TCP11L2: variants seen among roughly 807,000 people sequenced by gnomAD.
TCP11L2 encodes the protein T-complex protein 11-like protein 2.
Under a neutral mutation model 50.7 loss-of-function variants are expected in TCP11L2, and 39 were observed. The observed-to-expected ratio is 0.77, with a 90% CI of 0.60 to 1.01. The LOEUF (loss-of-function observed/expected upper bound fraction) is 1.01. Ranked by LOEUF, TCP11L2 falls within the 50% of genes least tolerant of loss-of-function variation. TCP11L2 has a pLI of 0.00. For synonymous variants in TCP11L2, 192 were observed against 219.3 expected (o/e 0.88, Z 1.10); for missense variants, 612 against 614.7 (o/e 1.00, Z 0.05).
At chr12:106,298,106 A>AT (rs1385759449), upstream of TCP11L2, among the ~76,000 whole-genome samples, 5 of 152,132 alleles carry the variant, frequency 3.3e-5, no homozygotes, top group Non-Finnish European at 7.4e-5. Flanking sequence ...ATAACTGTTA[A>AT]TTTTTTTACT....
At chr12:106,340,747 AAAAC>A (rs2036068862) in intron 8 of TCP11L2, 75 bp from the exon 9 acceptor site, 1 of 1,272,760 alleles carries the variant, frequency 7.9e-7, no homozygotes, top group African/African-American at 1.5e-5. Flanking sequence ...GTAGACATCT[AAAAC>A]AAGTCTGTAT....
chr12:106,329,931 A>C, intron 6 of TCP11L2: 2 of 985,950 alleles, frequency 2.0e-6, no homozygotes, highest in Non-Finnish European at 2.4e-6. Context: ...GTGTTGCTTT[A>C]GTGTGGCAAA....
intron 6 of TCP11L2, among the ~76,000 whole-genome samples, chr12:106,331,432 G>A (rs997220209): frequency 6.6e-6 from 1 of 152,192 alleles, no homozygotes; most frequent in Non-Finnish European, 1.5e-5. Context: ...CACTTTGTCT[G>A]AGGCAACTTT....
chr12:106,336,698 A>T (rs2035933112), intron 8 of TCP11L2, among the ~76,000 whole-genome samples: 1 of 152,082 alleles, frequency 6.6e-6, no homozygotes, highest in Non-Finnish European at 1.5e-5. Context: ...GACTACAGGC[A>T]TGCGCCGCCA....
intron 5 of TCP11L2, among the ~76,000 whole-genome samples, chr12:106,322,637 GTT>G (rs1032494909): frequency 1.3e-5 from 2 of 152,138 alleles, no homozygotes; most frequent in Non-Finnish European, 2.9e-5. Context: ...TTGAAGCAGA[GTT>G]TTCTTTTTTG....
Position 106,323,480 on chromosome 12 carries a change from A to G in TCP11L2, c.636-30A>G, listed in dbSNP as rs766767729. 8 of 1,524,110 alleles carry G rather than the reference A, an allele frequency of 5.2e-6. 1 individual carries two copies. The South Asian group carries it at 7.5e-5, about 14-fold the overall frequency. The allele number at this position is 1,524,110 out of a possible 1,614,324, so 94.4% of individuals were successfully genotyped here. On this transcript the variant is annotated intron_variant, in intron 5 of 9. Transcript: ENST00000299045. ...TGAATTTCAGCTTCACTTCTTAATC[A>G]TCTCTCTATTTTAATTCTAAAATTT...
At chr12:106,337,553 G>T (rs2035959114) in intron 8 of TCP11L2, among the ~76,000 whole-genome samples, 1 of 152,180 alleles carries the variant, frequency 6.6e-6, no homozygotes, top group Non-Finnish European at 1.5e-5. Flanking sequence ...AGCCTTTAGG[G>T]AATACCCAGT....
intron 9 of TCP11L2, among the ~76,000 whole-genome samples, chr12:106,341,930 G>A (rs1394102073): frequency 6.6e-6 from 1 of 152,134 alleles, no homozygotes; most frequent in Non-Finnish European, 1.5e-5. Flanking sequence ...CCTGAGACAT[G>A]TATTCACCTC....
chr12:106,305,422 A>G (rs1006842087), intron 1 of TCP11L2, among the ~76,000 whole-genome samples: 1 of 152,186 alleles, frequency 6.6e-6, no homozygotes, highest in Non-Finnish European at 1.5e-5. Flanking sequence ...GTGCCTTGCA[A>G]ATGCACTGAA....
Position 106,323,519 on chromosome 12 carries a change from C to A in TCP11L2, c.645C>A (p.Phe215Leu). Reference protein sequence around the residue: ...GNIVEVLRQIFHVLDLMQMDM... With the variant: ...GNIVEVLRQILHVLDLMQMDM... Reference sequence around the variant, plus strand: ...ATTCTAAAATTTTTAGACAAATATTCCATGTCCTGGACCTCATGCAAATGG... The same window carrying A: ...ATTCTAAAATTTTTAGACAAATATTACATGTCCTGGACCTCATGCAAATGG... Residue 215 changes from phenylalanine to leucine, a missense_variant, in exon 6 of 10, where the codon TTC becomes TTA. Transcript: ENST00000299045. 1 of 1,593,900 alleles carries A rather than the reference C, an allele frequency of 6.3e-7. No homozygotes were observed. Among genetic ancestry groups the A allele is most frequent in the South Asian group, 1.1e-5 (1 of 87,798 alleles).
At chr12:106,327,180 CCTT>C (rs753414918) in intron 6 of TCP11L2, among the ~76,000 whole-genome samples, 18 of 151,014 alleles carry the variant, frequency 1.2e-4, no homozygotes, top group Non-Finnish European at 8.9e-5. Context: ...TTTTTTCTTT[CCTT>C]CTTTTTTTTC....
At chr12:106,329,953 A>T in intron 6 of TCP11L2, 1 of 985,720 alleles carries the variant, frequency 1.0e-6, no homozygotes. Context: ...AGAACTACTC[A>T]TAAATTATCC....
At chr12:106,300,756 C>T (rs145194969), upstream of TCP11L2, among the ~76,000 whole-genome samples, 182 of 152,308 alleles carry the variant, frequency 1.2e-3, no homozygotes, top group Non-Finnish European at 2.1e-3. Flanking sequence ...CTTTTCTTAT[C>T]TCAGCTTGGT....
intron 4 of TCP11L2, among the ~76,000 whole-genome samples, chr12:106,319,881 A>G (rs1243841413): frequency 6.6e-6 from 1 of 152,258 alleles, no homozygotes; most frequent in Non-Finnish European, 1.5e-5. Context: ...TGAATAATCA[A>G]TAAATAGGCT....
chr12:106,339,019 C>T (rs1031359925), intron 8 of TCP11L2, among the ~76,000 whole-genome samples: 1 of 152,188 alleles, frequency 6.6e-6, no homozygotes, highest in Non-Finnish European at 1.5e-5. Context: ...GTGGCGCATG[C>T]CTGTAGTCCC....
intron 2 of TCP11L2, 112 bp from the exon 3 acceptor site, chr12:106,314,246 A>G: frequency 8.7e-7 from 1 of 1,147,724 alleles, no homozygotes; most frequent in South Asian, 1.7e-5. Flanking sequence ...CCTGACCTAT[A>G]AAACTCTGAA....
At chr12:106,340,095 C>T (rs956429713) in intron 8 of TCP11L2, among the ~76,000 whole-genome samples, 4 of 152,182 alleles carry the variant, frequency 2.6e-5, no homozygotes, top group Admixed American at 2.6e-4. Context: ...CTTCTCTCAT[C>T]CTTTAATTCC....
intron 6 of TCP11L2, chr12:106,329,312 T>C: frequency 6.5e-7 from 1 of 1,536,056 alleles, no homozygotes. Flanking sequence ...GTGGAAAAAT[T>C]CTTAATCCTG....
At chr12:106,317,349 C>G (rs1033125411) in intron 3 of TCP11L2, among the ~76,000 whole-genome samples, 11 of 152,070 alleles carry the variant, frequency 7.2e-5, no homozygotes, top group African/African-American at 2.7e-4. Context: ...AACCCTGTCT[C>G]TACTAAAAGT....
Sources: allele counts gnomAD v4.1 joint callset (sites outside exome capture counted in the v4.1 genomes callset), GRCh38; gene constraint gnomAD v4.1.1; transcripts MANE v1.5; gene names NCBI Gene and HGNC (gene_info 2026-07-23, HGNC 2026-07-21).